The following ABCB7 variants were observed in gnomAD, a reference collection of about 807,000 sequenced individuals.
ABCB7 encodes iron-sulfur clusters transporter ABCB7, mitochondrial.
In ABCB7, 7 loss-of-function variants were observed where a neutral mutation model predicts 54.4. The observed-to-expected ratio is 0.13, with a 90% CI of 0.07 to 0.24. The LOEUF is 0.24. Ranked by LOEUF, ABCB7 falls within the 10% of genes least tolerant of loss-of-function variation. The pLI is 1.00. For missense variants in ABCB7, 356 were observed against 570.4 expected, an observed-to-expected ratio of 0.62 and a Z score of 3.83; for synonymous variants, 218 against 207.1, an observed-to-expected ratio of 1.05 and a Z score of -0.45.
At chrX:75,116,991 G>A (rs1417974082) in intron 1 of ABCB7, among the ~76,000 whole-genome samples, 1 of 111,012 alleles carries the variant, frequency 9.0e-6, no homozygotes, top group Non-Finnish European at 1.9e-5. Flanking sequence ...AAAAAGGGGA[G>A]GCAAGAATAA....
intron 1 of ABCB7, among the ~76,000 whole-genome samples, chrX:75,118,808 C>A (rs1219677661): frequency 2.7e-5 from 3 of 111,378 alleles, no homozygotes; most frequent in Non-Finnish European, 5.7e-5. Flanking sequence ...TGGAGATGTC[C>A]CCATCCCCCA....
At chrX:75,093,353 C>T (rs1377522127) in intron 4 of ABCB7, among the ~76,000 whole-genome samples, 3 of 111,433 alleles carry the variant, frequency 2.7e-5, no homozygotes, top group Non-Finnish European at 5.7e-5. Flanking sequence ...AACTATATGA[C>T]ATTCTGGAAA....
chrX:75,136,813 C>T (rs909281170), intron 1 of ABCB7, among the ~76,000 whole-genome samples: 2 of 112,121 alleles, frequency 1.8e-5, no homozygotes, highest in African/African-American at 6.5e-5. Context: ...ATAAATGCTG[C>T]TGGGGTAACT....
At chrX:75,128,538 G>A (rs777884508) in intron 1 of ABCB7, among the ~76,000 whole-genome samples, 2 of 111,550 alleles carry the variant, frequency 1.8e-5, no homozygotes, top group South Asian at 7.6e-4. Flanking sequence ...CATAGGCATG[G>A]GCAAAGACTT....
rs755336436 is a variant in ABCB7, at chrX:75,095,403, GA to G, written c.453+3538del. 6.2e-5 allele frequency among the ~76,000 whole-genome samples: 7 copies of G among 112,328 alleles called. No homozygotes were observed. In the South Asian group the frequency reaches 2.6e-3, roughly 41 times the overall value. ...AAATAGGAAGCCAAGGATAAAAGGGGATAACAATCCATCTTTCACACCAATT... is the reference window on the plus strand; with the variant it reads ...AAATAGGAAGCCAAGGATAAAAGGGGTAACAATCCATCTTTCACACCAATT... On this transcript the variant is annotated intron_variant, in intron 4 of 15. Transcript: ENST00000373394.
chrX:75,126,684 G>A (rs778164656), intron 1 of ABCB7, among the ~76,000 whole-genome samples: 13 of 110,808 alleles, frequency 1.2e-4, no homozygotes, highest in African/African-American at 3.9e-4. Context: ...GAAGAAAAGA[G>A]AGAAGAATTA....
intron 2 of ABCB7, among the ~76,000 whole-genome samples, chrX:75,113,674 T>C: frequency 9.0e-6 from 1 of 111,574 alleles, no homozygotes; most frequent in Non-Finnish European, 1.9e-5. Flanking sequence ...GCTATAATAA[T>C]CAATAATTAA....
chrX:75,104,852 CATGATCAAGTGGGTTTT>C (rs1282501814), intron 3 of ABCB7, among the ~76,000 whole-genome samples: 1 of 111,567 alleles, frequency 9.0e-6, no homozygotes, highest in Admixed American at 9.5e-5. Flanking sequence ...GATAACATAC[CATGATCAAGTGGGTTTT>C]ATTCCAGGGA....
intron 1 of ABCB7, among the ~76,000 whole-genome samples, chrX:75,151,128 G>A (rs2082129090): frequency 1.8e-5 from 2 of 111,707 alleles, no homozygotes; most frequent in African/African-American, 6.5e-5. Context: ...AAAGGGCCTC[G>A]TGTTCTAAAA....
rs1274291722 is a variant in ABCB7 at position 75,054,920 on chromosome X, A to G, written c.2044-1335T>C. On this transcript the variant is annotated intron_variant, in intron 15 of 15. Transcript: ENST00000373394. ...ATTACTTTCTACGGCAAAAACCACA[A>G]TAACTTTTGTACCAACCTACTATTT... Among the ~76,000 whole-genome samples, 4 of 111,349 alleles carry G rather than the reference A, an allele frequency of 3.6e-5. No homozygotes were observed. The South Asian group carries it at 1.1e-3, about 32-fold the overall frequency.
At chrX:75,112,266 C>A (rs779110769) in intron 3 of ABCB7, among the ~76,000 whole-genome samples, 26 of 111,545 alleles carry the variant, frequency 2.3e-4, no homozygotes, top group Non-Finnish European at 3.0e-4. Flanking sequence ...CTGATTGGGT[C>A]AAGCCAGAGG....
intron 1 of ABCB7, among the ~76,000 whole-genome samples, chrX:75,119,170 A>T (rs757764816): frequency 5.0e-4 from 56 of 112,443 alleles, no homozygotes; most frequent in Non-Finnish European, 8.8e-4. Context: ...ATCTTTGGGA[A>T]ATAGAAACAG....
At position 75,142,197 on chromosome X, in the gene ABCB7, C is replaced by T. The variant is rs192139148; in HGVS notation, c.168+13908G>A. ...ACCACAATCCACAGATACTTAAGGC[C>T]CTTATATAAAATGGTGTAGTATTTA... is the stretch of plus-strand genomic sequence containing the variant. On this transcript the variant is annotated intron_variant, in intron 1 of 15. Coordinates refer to ENST00000373394, the MANE Select transcript of ABCB7 (RefSeq NM_001271696.3). Among the ~76,000 whole-genome samples the T allele has an allele frequency of 2.5e-3, 273 of 111,230 alleles. 2 individuals are homozygous for T. The highest frequency in any genetic ancestry group is 3.6e-3 in the Non-Finnish European group (189 of 52,967).
At chrX:75,115,007 C>T (rs886951810) in intron 1 of ABCB7, among the ~76,000 whole-genome samples, 176 bp from the exon 2 acceptor site, 5 of 111,068 alleles carry the variant, frequency 4.5e-5, no homozygotes, top group South Asian at 3.8e-4. Flanking sequence ...TGGTGGCTCA[C>T]GCCTATAATC....
intron 1 of ABCB7, among the ~76,000 whole-genome samples, chrX:75,142,544 A>C (rs1359642277): frequency 8.9e-6 from 1 of 111,963 alleles, no homozygotes; most frequent in East Asian, 2.8e-4. Context: ...TTTAGAAAGA[A>C]ATATGATGTT....
intron 15 of ABCB7, among the ~76,000 whole-genome samples, chrX:75,058,636 G>A (rs1173721664): frequency 9.0e-6 from 1 of 111,638 alleles, no homozygotes; most frequent in Non-Finnish European, 1.9e-5. Context: ...AGAGATTCTT[G>A]TTTAGATACA....
rs1157705803 is a variant in ABCB7 at position 75,100,399 on chromosome X, T to TA, written c.334-1339dup. Among the ~76,000 whole-genome samples, 3 of 111,182 alleles carry TA rather than the reference T, an allele frequency of 2.7e-5. No homozygotes were observed. In the East Asian group the frequency reaches 8.4e-4, roughly 31 times the overall value. On this transcript the variant is annotated intron_variant, in intron 3 of 15. Transcript: ENST00000373394. ...TCTGGCCTCTGGATACCTCTCCAGT[T>TA]ATGTTTTATACCACTGCTTTCAGTG... is the stretch of plus-strand genomic sequence containing the variant.
At chrX:75,120,384 G>A (rs1055165402) in intron 1 of ABCB7, among the ~76,000 whole-genome samples, 1 of 111,301 alleles carries the variant, frequency 9.0e-6, no homozygotes, top group Non-Finnish European at 1.9e-5. Flanking sequence ...GTCAAGGTGG[G>A]TGGATCACTT....
In ABCB7 at chrX:75,099,901, TA is replaced by T. The variant is rs1182202985; in HGVS notation, c.334-841del. On this transcript the variant is annotated intron_variant, in intron 3 of 15. Coordinates refer to ENST00000373394, the MANE Select transcript of ABCB7 (RefSeq NM_001271696.3). ...CAAAAAACACTGAAAAAGAAAAAAG[TA>T]AAAAAAAAAAAAGATACTGCTTATT... 4.6e-3 allele frequency among the ~76,000 whole-genome samples: 424 copies of T among 92,047 alleles called. 1 individual carries two copies. Among genetic ancestry groups the T allele is most frequent in the Non-Finnish European group, 6.3e-3 (282 of 44,909 alleles). 79.9% of individuals were successfully genotyped at this position (92,047 alleles called of 115,157 possible).
Sources: gnomAD v4.1 joint callset for allele counts (sites outside exome capture counted in the v4.1 genomes callset) on GRCh38, gnomAD v4.1.1 for gene constraint, MANE v1.5 for transcripts, NCBI Gene and HGNC (gene_info 2026-07-23, HGNC 2026-07-21) for gene names.